PCCA: variants seen among roughly 807,000 people sequenced by gnomAD.
The protein encoded by PCCA is propionyl-CoA carboxylase subunit alpha, also known as propionyl-CoA carboxylase alpha chain, mitochondrial.
PCCA carries 74 observed loss-of-function variants against 101.3 expected under a neutral mutation model. The ratio of observed to expected loss-of-function variants is 0.73; its 90% CI spans 0.61 to 0.89. The LOEUF is 0.89. Ranked by LOEUF, PCCA falls within the 40% of genes least tolerant of loss-of-function variation. The pLI, the probability that PCCA is intolerant of heterozygous loss-of-function variation, is 0.00. For missense variants in PCCA, 891 were observed against 907.0 expected (o/e 0.98, Z 0.23); for synonymous variants, 294 against 313.6 (o/e 0.94, Z 0.66).
chr13:100,489,800 G>A (rs1371136135), intron 21 of PCCA, among the ~76,000 whole-genome samples: 1 of 152,174 alleles, frequency 6.6e-6, no homozygotes, highest in East Asian at 1.9e-4. Flanking sequence ...TATAAATGCA[G>A]GTGAACAAGG....
At position 100,360,512 on chromosome 13, in the gene PCCA, CA is replaced by C. The variant is rs371547533; in HGVS notation, c.1644-7954del. Among the ~76,000 whole-genome samples the C allele has an allele frequency of 3.5e-4, 53 of 152,048 alleles. 1 individual carries two copies. The East Asian group carries it at 8.1e-3, about 23-fold the overall frequency. Reference sequence around the variant, plus strand: ...TATCTTCTGAAACTTTGTATGTAGGCAAAAAACTTCTTAGCAAGGACACAAA... The same window carrying C: ...TATCTTCTGAAACTTTGTATGTAGGCAAAAACTTCTTAGCAAGGACACAAA... On this transcript the variant is annotated intron_variant, in intron 18 of 23. Coordinates refer to ENST00000376285, the MANE Select transcript of PCCA (RefSeq NM_000282.4).
At chr13:100,299,373 T>G (rs1290619771) in intron 12 of PCCA, among the ~76,000 whole-genome samples, 1 of 152,216 alleles carries the variant, frequency 6.6e-6, no homozygotes, top group Non-Finnish European at 1.5e-5. Flanking sequence ...AGTAATATGC[T>G]TTTTAAAAGA....
intron 20 of PCCA, among the ~76,000 whole-genome samples, chr13:100,447,278 G>A (rs796409215): frequency 9.9e-5 from 15 of 152,152 alleles, no homozygotes; most frequent in African/African-American, 3.6e-4. Context: ...CAGCTACTTG[G>A]GAGGCTGAGG....
intron 21 of PCCA, among the ~76,000 whole-genome samples, chr13:100,460,471 G>A (rs2082096369): frequency 6.6e-6 from 1 of 152,122 alleles, no homozygotes; most frequent in Admixed American, 6.6e-5. Context: ...CATGGCTGCA[G>A]TATTGGCATT....
chr13:100,280,904 T>G (rs2064054561), intron 12 of PCCA, among the ~76,000 whole-genome samples: 1 of 152,004 alleles, frequency 6.6e-6, no homozygotes, highest in South Asian at 2.1e-4. Flanking sequence ...ATGAGTCACT[T>G]AGAAGCTACC....
chr13:100,415,674 T>C (rs2078316278), intron 19 of PCCA, among the ~76,000 whole-genome samples: 1 of 152,196 alleles, frequency 6.6e-6, no homozygotes, highest in East Asian at 1.9e-4. Context: ...ACAATGCTAA[T>C]CTCCTTAACA....
At position 100,102,791 on chromosome 13, in the gene PCCA, T is replaced by C. The variant is rs2152250210; in HGVS notation, c.106-92T>C. On this transcript the variant is annotated intron_variant, in intron 1 of 23. Coordinates refer to ENST00000376285, the MANE Select transcript of PCCA (RefSeq NM_000282.4). ...GAACTACATTTATTGATCAGACACG[T>C]TCGCTAGAACCTAACTGGAAGAAAT... is the stretch of plus-strand genomic sequence containing the variant. 3.6e-6 allele frequency: 3 copies of C among 831,452 alleles called. No homozygotes were observed. The East Asian group carries it at 7.3e-5, about 20-fold the overall frequency. 51.5% of individuals were successfully genotyped at this position (831,452 alleles called of 1,614,324 possible). A position where few individuals can be genotyped will look rare whatever the true frequency, so the allele number is the denominator to read the frequency against.
intron 18 of PCCA, among the ~76,000 whole-genome samples, chr13:100,356,492 C>T (rs2073970430): frequency 6.6e-6 from 1 of 151,976 alleles, no homozygotes; most frequent in African/African-American, 2.4e-5. Flanking sequence ...CCAATAAGCC[C>T]ATAAAAGATG....
chr13:100,164,434 T>C (rs1305517403), intron 6 of PCCA, among the ~76,000 whole-genome samples: 2 of 152,224 alleles, frequency 1.3e-5, no homozygotes, highest in East Asian at 1.9e-4. Context: ...TAGGTAAAGC[T>C]GGTCTTAGGG....
chr13:100,378,714 G>T (rs1045400818), intron 19 of PCCA, among the ~76,000 whole-genome samples: 1 of 151,962 alleles, frequency 6.6e-6, no homozygotes, highest in Non-Finnish European at 1.5e-5. Flanking sequence ...GATCTAGTCT[G>T]TTGAAGCTTT....
intron 18 of PCCA, among the ~76,000 whole-genome samples, chr13:100,355,883 A>G (rs923127469): frequency 3.3e-5 from 5 of 152,176 alleles, no homozygotes; most frequent in African/African-American, 1.2e-4. Flanking sequence ...CAAAGCTACA[A>G]TAATCAAGAC....
intron 21 of PCCA, among the ~76,000 whole-genome samples, chr13:100,493,038 T>G (rs1290636978): frequency 6.6e-6 from 1 of 152,176 alleles, no homozygotes; most frequent in Non-Finnish European, 1.5e-5. Flanking sequence ...GCTGTCACCC[T>G]TATTCTCCGC....
intron 4 of PCCA, among the ~76,000 whole-genome samples, chr13:100,117,912 C>G (rs913362131): frequency 2.0e-5 from 3 of 151,664 alleles, no homozygotes; most frequent in African/African-American, 7.3e-5. Flanking sequence ...GGCAGGAGAT[C>G]GAGACCATCC....
At chr13:100,188,212 G>T (rs2057446773) in intron 6 of PCCA, among the ~76,000 whole-genome samples, 1 of 152,190 alleles carries the variant, frequency 6.6e-6, no homozygotes, top group Non-Finnish European at 1.5e-5. Context: ...AGAATCGCTT[G>T]AAGCCGGGAG....
In PCCA at chr13:100,111,762, A is replaced by G. The variant is rs1471486460; in HGVS notation, c.184-79A>G. The G allele has an allele frequency of 4.5e-6, 4 of 884,742 alleles. No individual in the cohort carries two copies. The Admixed American group carries it at 5.8e-5, about 13-fold the overall frequency. 54.8% of individuals were successfully genotyped at this position (884,742 alleles called of 1,614,324 possible). A position where few individuals can be genotyped will look rare whatever the true frequency, so the allele number is the denominator to read the frequency against. ...GGGTTATATTCAGTGTTGATGTTGG[A>G]AAAACTTGGTGTTTTTTGGTCTTAA... On this transcript the variant is annotated intron_variant, in intron 2 of 23. Coordinates refer to ENST00000376285, the MANE Select transcript of PCCA (RefSeq NM_000282.4).
chr13:100,329,247 A>G (rs1212837647), intron 16 of PCCA, among the ~76,000 whole-genome samples: 1 of 152,186 alleles, frequency 6.6e-6, no homozygotes, highest in African/African-American at 2.4e-5. Context: ...AAATGATGTT[A>G]GACAAAAAGC....
chr13:100,117,791 A>G (rs1234921066), intron 4 of PCCA, among the ~76,000 whole-genome samples: 3 of 152,094 alleles, frequency 2.0e-5, no homozygotes, highest in African/African-American at 7.2e-5. Context: ...TAAAAAAAGC[A>G]GCATTAAAAA....
intron 19 of PCCA, among the ~76,000 whole-genome samples, chr13:100,377,640 G>A (rs112840291): frequency 1.3e-5 from 2 of 151,912 alleles, no homozygotes; most frequent in East Asian, 1.9e-4. Flanking sequence ...GACTACAGGC[G>A]CCTGCCACCA....
At chr13:100,103,956 A>T (rs1263975980) in intron 2 of PCCA, among the ~76,000 whole-genome samples, 1 of 152,206 alleles carries the variant, frequency 6.6e-6, no homozygotes, top group East Asian at 1.9e-4. Context: ...ATTTAGATTG[A>T]AGGTAATTTT....
Sources: allele counts gnomAD v4.1 joint callset (sites outside exome capture counted in the v4.1 genomes callset), GRCh38; gene constraint gnomAD v4.1.1; transcripts MANE v1.5; gene names NCBI Gene and HGNC (gene_info 2026-07-23, HGNC 2026-07-21).